The following CP variants were observed in gnomAD, a reference collection of about 807,000 sequenced individuals.
The protein encoded by CP is ceruloplasmin.
In CP, 64 loss-of-function variants were observed where a neutral mutation model predicts 122.4. That is an observed-to-expected ratio of 0.52 (90% confidence interval 0.43 to 0.64). The LOEUF (loss-of-function observed/expected upper bound fraction) is 0.64, where lower values mean the gene tolerates loss of function less well. CP is among the 30% of genes least tolerant of loss of function. The pLI, the probability that CP is intolerant of heterozygous loss-of-function variation, is 0.00. For synonymous variants in CP, 440 were observed against 436.4 expected, an observed-to-expected ratio of 1.01 and a Z score of -0.10; for missense variants, 1,167 against 1,284.4, an observed-to-expected ratio of 0.91 and a Z score of 1.40.
At chr3:149,201,699 T>C (rs934629376) in intron 7 of CP, among the ~76,000 whole-genome samples, 2 of 152,106 alleles carry the variant, frequency 1.3e-5, no homozygotes, top group African/African-American at 4.8e-5. Context: ...CAAGCGATTC[T>C]CATGCCTCAG....
At chr3:149,188,754 A>C (rs1726355541) in intron 9 of CP, among the ~76,000 whole-genome samples, 1 of 152,174 alleles carries the variant, frequency 6.6e-6, no homozygotes, top group Non-Finnish European at 1.5e-5. Flanking sequence ...AAACAAAAAA[A>C]AAGGAGCAGA....
intron 13 of CP, among the ~76,000 whole-genome samples, chr3:149,183,194 A>C (rs1408336339): frequency 1.3e-5 from 2 of 152,186 alleles, no homozygotes; most frequent in Non-Finnish European, 1.5e-5. Flanking sequence ...AACTTCACTA[A>C]AACTACAGGC....
chr3:149,171,325 A>G (rs1296940906), downstream of CP, among the ~76,000 whole-genome samples: 1 of 152,156 alleles, frequency 6.6e-6, no homozygotes, highest in Admixed American at 6.5e-5. Context: ...AGTTTGGGGG[A>G]AAAGGAAGTA....
chr3:149,212,063 G>A (rs1172688862), intron 2 of CP, among the ~76,000 whole-genome samples: 1 of 152,060 alleles, frequency 6.6e-6, no homozygotes, highest in East Asian at 1.9e-4. Context: ...GGAGGCTGAG[G>A]CGGGCAGATC....
At chr3:149,215,333 A>C (rs1044278528) in intron 1 of CP, among the ~76,000 whole-genome samples, 2 of 152,232 alleles carry the variant, frequency 1.3e-5, no homozygotes, top group Admixed American at 6.5e-5. Flanking sequence ...CCATAAACAA[A>C]TACCTAAGAC....
chr3:149,186,277 A>G (rs1032975090), intron 11 of CP: 2 of 554,902 alleles, frequency 3.6e-6, no homozygotes, highest in East Asian at 3.1e-5. Context: ...TGAGGAGCCT[A>G]TGGAAGTGGA....
At chr3:149,208,768 G>C (rs1727919736) in intron 4 of CP, among the ~76,000 whole-genome samples, 1 of 152,028 alleles carries the variant, frequency 6.6e-6, no homozygotes, top group African/African-American at 2.4e-5. Context: ...CAGACTAAGG[G>C]GCCCAGTGAG....
intron 5 of CP, among the ~76,000 whole-genome samples, chr3:149,165,776 C>G (rs1243813566): frequency 1.3e-5 from 2 of 152,148 alleles, no homozygotes; most frequent in East Asian, 3.8e-4. Flanking sequence ...ACTCCCTTCC[C>G]CATTATCTGG....
At position 149,186,692 on chromosome 3, in the gene CP, A is replaced by G; in HGVS notation, c.1905T>C (p.Thr635=). The change falls in exon 11 of 19, where the codon ACT becomes ACC. Residue 635 remains threonine (T), a synonymous_variant. Transcript: ENST00000264613. ...ACACGACCGAATCTCCTTTGCACAT[A>G]GTGAGACCCGGCTGATTCCCATACA... ...GFMYGNQPGL[T]MCKGDSVVWY... 1 of 1,614,182 alleles carries G rather than the reference A, an allele frequency of 6.2e-7. No homozygotes were observed. Among genetic ancestry groups the G allele is most frequent in the Non-Finnish European group, 8.5e-7 (1 of 1,180,016 alleles).
Position 149,207,620 on chromosome 3 carries a change from G to GT in CP, c.782-4dup, listed in dbSNP as rs775224137. 1.2e-6 allele frequency: 2 copies of GT among 1,613,806 alleles called. No individual in the cohort carries two copies. The highest frequency in any genetic ancestry group is 8.5e-7 in the Non-Finnish European group (1 of 1,179,688). On this transcript the variant is annotated splice_polypyrimidine_tract_variant and splice_region_variant and intron_variant, in intron 4 of 18. Coordinates refer to ENST00000264613, the MANE Select transcript of CP (RefSeq NM_000096.4). The stretch of plus-strand genomic sequence containing the variant: ...TCCAAAAGTGTATCCATTCACAGCT[G>GT]TAAGTCAAGAGCAGAGTTTGTGACT...
chr3:149,168,412 T>C, downstream of CP: 1 of 202,442 alleles, frequency 4.9e-6, no homozygotes, highest in East Asian at 1.3e-4. Context: ...GTATCTAAAT[T>C]GTACCGTATT....
At chr3:149,203,714 A>G (rs574205634) in intron 6 of CP, among the ~76,000 whole-genome samples, 7 of 152,340 alleles carry the variant, frequency 4.6e-5, no homozygotes, top group African/African-American at 1.7e-4. Context: ...TTCACTTGAC[A>G]AATGCATCAA....
chr3:149,174,582 G>A (rs1246631219), intron 18 of CP, among the ~76,000 whole-genome samples: 1 of 152,160 alleles, frequency 6.6e-6, no homozygotes, highest in Non-Finnish European at 1.5e-5. Flanking sequence ...GAATTAATAT[G>A]TTGTTATACA....
rs1172807561 is a variant in CP at position 149,209,390 on chromosome 3, G to T, written c.608-6C>A. The T allele has an allele frequency of 6.2e-7, 1 of 1,612,120 alleles. No homozygotes were observed. The highest frequency in any genetic ancestry group is 2.2e-5 in the East Asian group (1 of 44,798). On this transcript the variant is annotated splice_region_variant and splice_polypyrimidine_tract_variant and intron_variant, in intron 3 of 18. Coordinates refer to ENST00000264613, the MANE Select transcript of CP (RefSeq NM_000096.4). Reference sequence around the variant, plus strand: ...TTTTTCTTTATCTAGAGAATCTGGAGTTAAAGTTACTATTTTAGCAAGACT... The same window carrying T: ...TTTTTCTTTATCTAGAGAATCTGGATTTAAAGTTACTATTTTAGCAAGACT...
chr3:149,212,647 T>G lies in CP; in HGVS notation c.198A>C (p.Leu66=), dbSNP rs774051224. ...ACTGAAGATAAAGGGCCTTCTTATA[T>G]AGTCTCCCAATTCTATCTGGGCCAT... ...LQNGPDRIGR[L]YKKALYLQYT... is the part of the protein sequence containing the mutation. Residue 66 remains leucine, a synonymous_variant, in exon 2 of 19, where the codon CTA becomes CTC. Transcript: ENST00000264613. The G allele has an allele frequency of 3.1e-6, 5 of 1,613,934 alleles. No homozygotes were observed. The highest frequency in any genetic ancestry group is 4.2e-6 in the Non-Finnish European group (5 of 1,179,938).
intron 7 of CP, chr3:149,200,082 T>A: frequency 1.8e-6 from 1 of 555,600 alleles, no homozygotes; most frequent in Non-Finnish European, 3.2e-6. Context: ...TTCAGATTAA[T>A]GAAATTGATT....
intron 9 of CP, among the ~76,000 whole-genome samples, chr3:149,189,713 T>C (rs957974183): frequency 4.6e-5 from 7 of 152,148 alleles, no homozygotes; most frequent in African/African-American, 1.7e-4. Flanking sequence ...ACAAAAGTCA[T>C]TTTCAGATGT....
chr3:149,184,882 A>C (rs1449310985), intron 12 of CP, among the ~76,000 whole-genome samples: 1 of 152,242 alleles, frequency 6.6e-6, no homozygotes, highest in Non-Finnish European at 1.5e-5. Flanking sequence ...AATAAGCAAC[A>C]AACAGTTGCT....
chr3:149,168,983 T>C (rs1205586878), downstream of CP, among the ~76,000 whole-genome samples: 1 of 152,092 alleles, frequency 6.6e-6, no homozygotes, highest in Non-Finnish European at 1.5e-5. Flanking sequence ...TCACCCATAA[T>C]CATTCCTCCA....
Sources: gnomAD v4.1 joint callset for allele counts (sites outside exome capture counted in the v4.1 genomes callset) on GRCh38, gnomAD v4.1.1 for gene constraint, MANE v1.5 for transcripts, NCBI Gene and HGNC (gene_info 2026-07-23, HGNC 2026-07-21) for gene names.